SH3GL2: variants seen among roughly 807,000 people sequenced by gnomAD.
The protein encoded by SH3GL2 is SH3 domain containing GRB2 like 2, endophilin A1.
SH3GL2 carries 24 observed loss-of-function variants against 46.0 expected under a neutral mutation model. The observed-to-expected ratio is 0.52, with a 90% CI of 0.38 to 0.73. The LOEUF (loss-of-function observed/expected upper bound fraction) is 0.73, where lower values mean the gene tolerates loss of function less well. SH3GL2 is among the 30% of genes least tolerant of loss of function. The pLI is 0.00. For missense variants in SH3GL2, 413 were observed against 424.2 expected, an observed-to-expected ratio of 0.97 and a Z score of 0.23; for synonymous variants, 196 against 147.1, an observed-to-expected ratio of 1.33 and a Z score of -2.40.
At chr9:17,764,630 C>T (rs1823269925) in intron 3 of SH3GL2, among the ~76,000 whole-genome samples, 2 of 151,574 alleles carry the variant, frequency 1.3e-5, no homozygotes, top group South Asian at 2.1e-4. Context: ...TTTGATGCTT[C>T]GAGGGTACTT....
intron 1 of SH3GL2, among the ~76,000 whole-genome samples, chr9:17,638,014 G>A (rs767981970): frequency 2.0e-5 from 3 of 152,064 alleles, no homozygotes; most frequent in South Asian, 2.1e-4. Context: ...AAAATTAGCC[G>A]GGCATGGTGG....
At chr9:17,639,826 T>C (rs550556791) in intron 1 of SH3GL2, among the ~76,000 whole-genome samples, 1 of 152,228 alleles carries the variant, frequency 6.6e-6, no homozygotes, top group African/African-American at 2.4e-5. Flanking sequence ...AAAAGACATG[T>C]TGAATCTTAA....
At chr9:17,761,688 C>T (rs117415360) in intron 3 of SH3GL2, 179 bp downstream of exon 3, 8,913 of 664,468 alleles carry the variant, frequency 0.013, 91 homozygotes, top group South Asian at 0.025. Flanking sequence ...CTTTTTAAAG[C>T]TCACATTGAA....
rs549628593 is a variant in SH3GL2, at chr9:17,729,881, A to C, written c.46-17185A>C. On this transcript the variant is annotated intron_variant, in intron 1 of 8. Transcript: ENST00000380607. ...ACGGTAGCCTTGTACTATAGTTTGA[A>C]GTCATGTGGCATGATGCCTCCAGCT... Among the ~76,000 whole-genome samples the C allele has an allele frequency of 8.5e-5, 13 of 152,282 alleles. No individual in the cohort carries two copies. In the South Asian group the frequency reaches 2.3e-3, roughly 27 times the overall value.
At chr9:17,683,655 C>T (rs978892002) in intron 1 of SH3GL2, among the ~76,000 whole-genome samples, 3 of 152,082 alleles carry the variant, frequency 2.0e-5, no homozygotes, top group Admixed American at 1.3e-4. Flanking sequence ...AATACTTCCT[C>T]TCTACATACA....
intron 1 of SH3GL2, among the ~76,000 whole-genome samples, chr9:17,655,509 A>C (rs913139347): frequency 2.0e-5 from 3 of 152,216 alleles, no homozygotes; most frequent in East Asian, 3.8e-4. Context: ...ATGCACCTAT[A>C]TAAGTTGAGT....
intron 1 of SH3GL2, among the ~76,000 whole-genome samples, chr9:17,676,398 G>T (rs1820610028): frequency 6.6e-6 from 1 of 152,094 alleles, no homozygotes; most frequent in African/African-American, 2.4e-5. Context: ...ATGAGGTTAG[G>T]AGTTCAAGAC....
chr9:17,688,434 T>C (rs1820983286), intron 1 of SH3GL2, among the ~76,000 whole-genome samples: 2 of 152,034 alleles, frequency 1.3e-5, no homozygotes, highest in Non-Finnish European at 2.9e-5. Context: ...CTGGATACAT[T>C]ATTTATAAGC....
chr9:17,766,052 A>G (rs554237200), intron 3 of SH3GL2, among the ~76,000 whole-genome samples: 5 of 152,354 alleles, frequency 3.3e-5, no homozygotes, highest in Non-Finnish European at 7.3e-5. Context: ...GCAAAGAGCA[A>G]TTCTAGATGC....
chr9:17,667,383 C>A (rs1820372060), intron 1 of SH3GL2, among the ~76,000 whole-genome samples: 1 of 152,154 alleles, frequency 6.6e-6, no homozygotes, highest in Non-Finnish European at 1.5e-5. Flanking sequence ...CCTCAACCCA[C>A]AAATCCCCTG....
At chr9:17,674,629 C>G (rs1245426115) in intron 1 of SH3GL2, among the ~76,000 whole-genome samples, 1 of 152,104 alleles carries the variant, frequency 6.6e-6, no homozygotes, top group Non-Finnish European at 1.5e-5. Flanking sequence ...TTGGGCTCAG[C>G]TGGATGTTTC....
At chr9:17,688,564 G>A (rs1009687801) in intron 1 of SH3GL2, among the ~76,000 whole-genome samples, 5 of 151,962 alleles carry the variant, frequency 3.3e-5, no homozygotes, top group African/African-American at 4.8e-5. Flanking sequence ...AGGGCACCTC[G>A]GAGAAATGGC....
intron 1 of SH3GL2, among the ~76,000 whole-genome samples, chr9:17,715,194 C>CTT (rs554919094): frequency 7.8e-6 from 1 of 128,930 alleles, no homozygotes; most frequent in Non-Finnish European, 1.7e-5. Flanking sequence ...TCTTTCTTTT[C>CTT]TTTTTTTTTT....
chr9:17,738,910 A>G (rs988185449), intron 1 of SH3GL2, among the ~76,000 whole-genome samples: 2 of 152,116 alleles, frequency 1.3e-5, no homozygotes, highest in African/African-American at 4.8e-5. Context: ...CAGATTGTAG[A>G]TGTTAACCAT....
intron 1 of SH3GL2, among the ~76,000 whole-genome samples, chr9:17,680,201 A>G (rs1396255475): frequency 6.6e-6 from 1 of 152,176 alleles, no homozygotes; most frequent in Non-Finnish European, 1.5e-5. Context: ...TTCAGATGGA[A>G]TGGTACCAGC....
chr9:17,759,252 C>G (rs759883700), intron 2 of SH3GL2, among the ~76,000 whole-genome samples: 1 of 152,050 alleles, frequency 6.6e-6, no homozygotes, highest in Non-Finnish European at 1.5e-5. Context: ...CCAGAGAGGC[C>G]CAGGATGGAA....
chr9:17,742,207 A>T (rs767159169), intron 1 of SH3GL2, among the ~76,000 whole-genome samples: 1 of 152,198 alleles, frequency 6.6e-6, no homozygotes, highest in Non-Finnish European at 1.5e-5. Context: ...TTGGCTCTTA[A>T]GCATTTAGTA....
At chr9:17,751,637 TTG>T (rs922220186) in intron 2 of SH3GL2, among the ~76,000 whole-genome samples, 2 of 152,224 alleles carry the variant, frequency 1.3e-5, no homozygotes, top group African/African-American at 4.8e-5. Context: ...CAGTCATCTC[TTG>T]TGAGTTTTGT....
chr9:17,680,596 A>AT (rs548967177), intron 1 of SH3GL2, among the ~76,000 whole-genome samples: 5,953 of 151,880 alleles, frequency 0.039, 383 homozygotes, highest in African/African-American at 0.14. Flanking sequence ...GGATTCATTG[A>AT]TTTTTTGAAG....
Sources: gnomAD v4.1 joint callset for allele counts (sites outside exome capture counted in the v4.1 genomes callset) on GRCh38, gnomAD v4.1.1 for gene constraint, MANE v1.5 for transcripts, NCBI Gene and HGNC (gene_info 2026-07-23, HGNC 2026-07-21) for gene names.